Variants in ARHGAP20 observed in about 807,000 individuals in gnomAD.
The protein encoded by ARHGAP20 is Rho GTPase activating protein 20.
In ARHGAP20, 34 loss-of-function variants were observed where a neutral mutation model predicts 73.7. The observed-to-expected ratio is 0.46, with a 90% CI of 0.35 to 0.61. The LOEUF (loss-of-function observed/expected upper bound fraction) is 0.61. ARHGAP20 is among the 20% of genes least tolerant of loss of function. ARHGAP20 has a pLI of 0.00. For missense variants in ARHGAP20, 1,314 were observed against 1,420.9 expected (o/e 0.92, Z 1.21); for synonymous variants, 523 against 518.2 (o/e 1.01, Z -0.13).
intron 6 of ARHGAP20, among the ~76,000 whole-genome samples, chr11:110,612,907 A>C (rs890598811): frequency 4.6e-5 from 7 of 152,212 alleles, no homozygotes; most frequent in African/African-American, 1.7e-4. Context: ...CACTCAACCC[A>C]GTGTCTGTCT....
chr11:110,711,867 G>C (rs903590963), intron 1 of ARHGAP20: 6 of 1,315,494 alleles, frequency 4.6e-6, no homozygotes, highest in Admixed American at 4.1e-5. Context: ...GGATGGAGAC[G>C]GGAGGGAGGC....
Position 110,657,914 on chromosome 11 carries a change from G to C in ARHGAP20, c.189-27122C>G, listed in dbSNP as rs1373425802. ...CGACAAAAAAAAAAAGAAAGAAAAA[G>C]AGAGAGAGGAAGGAAGGAAGGAAGG... On this transcript the variant is annotated intron_variant, in intron 2 of 14. Coordinates refer to ENST00000683387, the MANE Select transcript of ARHGAP20 (RefSeq NM_001384657.1). Among the ~76,000 whole-genome samples, 3 of 133,108 alleles carry C rather than the reference G, an allele frequency of 2.3e-5. 1 individual carries two copies. The highest frequency in any genetic ancestry group is 1.6e-4 in the Admixed American group (2 of 12,172). The allele number at this position is 133,108 out of a possible 152,430, so 87.3% of individuals were successfully genotyped here.
In ARHGAP20 at chr11:110,578,623, G is replaced by T; in HGVS notation, c.*747C>A. 1 of 985,390 alleles carries T rather than the reference G, an allele frequency of 1.0e-6. No homozygotes were observed. The highest frequency in any genetic ancestry group is 1.2e-6 in the Non-Finnish European group (1 of 829,936). The allele number at this position is 985,390 out of a possible 1,614,324, so 61.0% of individuals were successfully genotyped here. ...ATACCTTTGAAAGGGTACTGAAATG[G>T]GCAGCCATTTTCTTCTTTCTCCTCA... On this transcript the variant is annotated 3_prime_UTR_variant, in exon 15 of 15. Transcript: ENST00000683387.
At chr11:110,598,789 G>A (rs1402410587) in intron 9 of ARHGAP20, among the ~76,000 whole-genome samples, 2 of 152,102 alleles carry the variant, frequency 1.3e-5, no homozygotes. Flanking sequence ...TGCCCCTTCT[G>A]AGTTGGGGTG....
intron 4 of ARHGAP20, among the ~76,000 whole-genome samples, chr11:110,619,755 AT>A (rs1948587690): frequency 6.6e-6 from 1 of 151,980 alleles, no homozygotes; most frequent in Admixed American, 6.6e-5. Flanking sequence ...GATAGAGTAT[AT>A]GTAGTGATAG....
At position 110,630,811 on chromosome 11, in the gene ARHGAP20, C is replaced by T. The variant is rs754672613; in HGVS notation, c.189-19G>A. On this transcript the variant is annotated intron_variant, in intron 2 of 14. Transcript: ENST00000683387. ...ACTGTCCCTGTAACAGATCAAATGC[C>T]ACAGATCAGTCAAACGATCATCTTA... is the stretch of plus-strand genomic sequence containing the variant. 15 of 1,604,562 alleles carry T rather than the reference C, an allele frequency of 9.3e-6. No homozygotes were observed. The highest frequency in any genetic ancestry group is 1.3e-5 in the Non-Finnish European group (15 of 1,175,260).
intron 11 of ARHGAP20, chr11:110,589,400 T>A (rs1217285005): frequency 1.0e-6 from 1 of 984,890 alleles, no homozygotes; most frequent in African/African-American, 1.7e-5. Context: ...TATAAAGTCA[T>A]GAAGTAACAT....
At chr11:110,649,201 CTTTTTTT>C (rs869156175) in intron 2 of ARHGAP20, among the ~76,000 whole-genome samples, 15 of 87,124 alleles carry the variant, frequency 1.7e-4, no homozygotes, top group South Asian at 3.8e-4. Context: ...ATTATTAAAC[CTTTTTTT>C]TTTTTTTTTT....
At position 110,657,825 on chromosome 11, in the gene ARHGAP20, GC is replaced by G. The variant is rs200201156; in HGVS notation, c.189-27034del. 7.2e-3 allele frequency among the ~76,000 whole-genome samples: 1,093 copies of G among 152,032 alleles called. 4 individuals are homozygous for G. Among genetic ancestry groups the G allele is most frequent in the South Asian group, 0.021 (100 of 4,812 alleles). ...CAGGAGAATTGCTTGAACCCAGGAA[GC>G]GGAGGTTGCAGTGAGCCAAGATCGT... On this transcript the variant is annotated intron_variant, in intron 2 of 14. Transcript: ENST00000683387.
chr11:110,711,352 A>AG (rs11397594), intron 1 of ARHGAP20, among the ~76,000 whole-genome samples: 149,470 of 149,480 alleles, frequency 1, 74,730 homozygotes, highest in Middle Eastern at 1. Flanking sequence ...CCCAGGGGCC[A>AG]GGGACCAGTG....
At position 110,611,319 on chromosome 11, in the gene ARHGAP20, A is replaced by C; in HGVS notation, c.698T>G (p.Leu233Arg). ...NEVINMSLPM[L>R]GITGSERDYQ... ...AGCAGAATAACTTACAGTTATCCCT[A>C]GCATTGGTAATGACATGTTGATAAC... The change falls in exon 7 of 15, where the codon CTA (leucine) becomes CGA (arginine). Residue 233 changes from leucine to arginine, a missense_variant. Around this residue, in one of 3 missense-constraint regions of ARHGAP20, gnomAD observed 443 missense variants for 466.4 expected, o/e 0.95. Transcript: ENST00000683387. 1 of 1,557,804 alleles carries C rather than the reference A, an allele frequency of 6.4e-7. No homozygotes were observed. The highest frequency in any genetic ancestry group is 8.7e-7 in the Non-Finnish European group (1 of 1,145,558).
At chr11:110,631,934 C>T (rs1164603568) in intron 2 of ARHGAP20, among the ~76,000 whole-genome samples, 1 of 152,164 alleles carries the variant, frequency 6.6e-6, no homozygotes, top group Non-Finnish European at 1.5e-5. Flanking sequence ...GAATTTTATA[C>T]AAATTGAACC....
intron 2 of ARHGAP20, among the ~76,000 whole-genome samples, chr11:110,663,521 C>A (rs1371205450): frequency 6.6e-6 from 1 of 151,716 alleles, no homozygotes; most frequent in Admixed American, 6.6e-5. Context: ...TATCCTTGAA[C>A]TACATAATCA....
chr11:110,676,294 T>C (rs1184790145), intron 2 of ARHGAP20, among the ~76,000 whole-genome samples: 2 of 152,198 alleles, frequency 1.3e-5, no homozygotes, highest in Admixed American at 1.3e-4. Context: ...TAGTCTGTTC[T>C]CATGTTGCTA....
rs772079392 is a variant in ARHGAP20, at chr11:110,580,647, C to T, written c.2299G>A (p.Val767Ile). ...FKQSLVTGTD[V>I]SKKNATTQNT... Reference sequence around the variant, plus strand: ...TGAGTAGTGGCATTTTTCTTGCTGACATCAGTGCCTGTGACTAAACTCTGT... The same window carrying T: ...TGAGTAGTGGCATTTTTCTTGCTGATATCAGTGCCTGTGACTAAACTCTGT... Residue 767 changes from valine to isoleucine, a missense_variant, in exon 15 of 15, where the codon GTC becomes ATC. Around this residue, in one of 3 missense-constraint regions of ARHGAP20, gnomAD observed 641 missense variants for 636.9 expected, o/e 1.01. Coordinates refer to ENST00000683387, the MANE Select transcript of ARHGAP20 (RefSeq NM_001384657.1). 8 of 1,614,094 alleles carry T rather than the reference C, an allele frequency of 5.0e-6. No homozygotes were observed. In the African/African-American group the frequency reaches 8.0e-5, roughly 16 times the overall value.
At chr11:110,660,717 C>G (rs555713172) in intron 2 of ARHGAP20, among the ~76,000 whole-genome samples, 21 of 152,292 alleles carry the variant, frequency 1.4e-4, no homozygotes, top group Non-Finnish European at 1.9e-4. Flanking sequence ...TGAATATTTT[C>G]AATGCCTTAG....
intron 2 of ARHGAP20, among the ~76,000 whole-genome samples, chr11:110,657,514 C>G (rs79267611): frequency 6.6e-6 from 1 of 151,918 alleles, no homozygotes; most frequent in Non-Finnish European, 1.5e-5. Flanking sequence ...AAGGCATAAG[C>G]TGAACTGACC....
At chr11:110,675,686 G>A (rs1477294650) in intron 2 of ARHGAP20, among the ~76,000 whole-genome samples, 1 of 152,122 alleles carries the variant, frequency 6.6e-6, no homozygotes, top group Non-Finnish European at 1.5e-5. Flanking sequence ...CTCCTGCTGT[G>A]CTGCCAGGTT....
intron 2 of ARHGAP20, among the ~76,000 whole-genome samples, chr11:110,637,961 A>C (rs1342353867): frequency 6.6e-6 from 1 of 152,112 alleles, no homozygotes; most frequent in Non-Finnish European, 1.5e-5. Context: ...AAAGATTAGC[A>C]GCAGATGAGA....
Sources: gnomAD v4.1 joint callset for allele counts (sites outside exome capture counted in the v4.1 genomes callset) on GRCh38, gnomAD v4.1.1 for gene constraint, gnomAD v4.1.1 regional missense constraint, MANE v1.5 for transcripts, NCBI Gene and HGNC (gene_info 2026-07-23, HGNC 2026-07-21) for gene names.